Variants in STIM1 observed in about 807,000 individuals in gnomAD.
STIM1 encodes the protein stromal interaction molecule 1.
A neutral mutation model predicts 74.7 loss-of-function variants in STIM1; 25 were observed. That is an observed-to-expected ratio of 0.33 (90% CI 0.24 to 0.47). The LOEUF is 0.47. Ranked by LOEUF, STIM1 falls within the 20% of genes least tolerant of loss-of-function variation. STIM1 has a pLI of 1.00. For synonymous variants in STIM1, 328 were observed against 348.8 expected, an observed-to-expected ratio of 0.94 and a Z score of 0.66; for missense variants, 728 against 920.8, an observed-to-expected ratio of 0.79 and a Z score of 2.71.
intron 5 of STIM1, among the ~76,000 whole-genome samples, chr11:4,063,309 C>G (rs576250020): frequency 6.6e-6 from 1 of 152,284 alleles, no homozygotes; most frequent in Non-Finnish European, 1.5e-5. Flanking sequence ...TATATACATG[C>G]ATACCTTGTT....
chr11:4,036,362 G>A (rs183167815), intron 3 of STIM1, among the ~76,000 whole-genome samples: 235 of 152,234 alleles, frequency 1.5e-3, no homozygotes, highest in African/African-American at 5.2e-3. Flanking sequence ...ATTCCTTTGG[G>A]TGTATACCCA....
At chr11:3,869,216 G>A (rs778411423) in intron 1 of STIM1, among the ~76,000 whole-genome samples, 2 of 152,156 alleles carry the variant, frequency 1.3e-5, no homozygotes, top group Non-Finnish European at 2.9e-5. Flanking sequence ...TGATCCGCCC[G>A]CCTCCACTTC....
At chr11:4,037,178 C>G (rs1294641005) in intron 3 of STIM1, among the ~76,000 whole-genome samples, 1 of 151,986 alleles carries the variant, frequency 6.6e-6, no homozygotes, top group African/African-American at 2.4e-5. Context: ...GCCTCAGCCT[C>G]CTGAGTAGCT....
chr11:4,074,234 G>T (rs901042341), intron 6 of STIM1, among the ~76,000 whole-genome samples: 8 of 152,194 alleles, frequency 5.3e-5, no homozygotes, highest in Non-Finnish European at 1.2e-4. Flanking sequence ...TTTAGTATGA[G>T]ATAGTTTCGA....
intron 3 of STIM1, among the ~76,000 whole-genome samples, chr11:4,025,285 C>T (rs1228019752): frequency 6.6e-6 from 1 of 152,106 alleles, no homozygotes; most frequent in South Asian, 2.1e-4. Flanking sequence ...AGCAGGAAGA[C>T]CTGGATTCTA....
At chr11:3,931,571 C>T (rs879322253) in intron 1 of STIM1, among the ~76,000 whole-genome samples, 2 of 152,174 alleles carry the variant, frequency 1.3e-5, no homozygotes, top group Non-Finnish European at 2.9e-5. Flanking sequence ...AGGACATGGA[C>T]CTCAGATGAA....
At chr11:3,906,952 C>G (rs528453419) in intron 1 of STIM1, among the ~76,000 whole-genome samples, 1 of 152,032 alleles carries the variant, frequency 6.6e-6, no homozygotes, top group Admixed American at 6.6e-5. Flanking sequence ...AACCTAAATC[C>G]AACTCTAAAA....
At chr11:4,024,538 G>A (rs1167306351) in intron 3 of STIM1, among the ~76,000 whole-genome samples, 1 of 152,120 alleles carries the variant, frequency 6.6e-6, no homozygotes, top group African/African-American at 2.4e-5. Context: ...CCTCCTTCTT[G>A]TCTTGATTTC....
intron 6 of STIM1, among the ~76,000 whole-genome samples, chr11:4,072,175 C>G (rs1055863018): frequency 6.6e-6 from 1 of 152,068 alleles, no homozygotes; most frequent in Non-Finnish European, 1.5e-5. Flanking sequence ...GCTAAATGAC[C>G]ACTGTGGCAC....
At chr11:4,031,137 T>C (rs1489869335) in intron 3 of STIM1, among the ~76,000 whole-genome samples, 1 of 152,214 alleles carries the variant, frequency 6.6e-6, no homozygotes, top group African/African-American at 2.4e-5. Flanking sequence ...TAAATGGAGT[T>C]ATATAATATG....
chr11:4,070,317 G>C, intron 6 of STIM1, 114 bp downstream of exon 6: 1 of 1,220,956 alleles, frequency 8.2e-7, no homozygotes, highest in African/African-American at 1.5e-5. Context: ...GGCAGCCCAG[G>C]CTGCATCATC....
At chr11:3,968,374 G>A (rs1319715807) in intron 2 of STIM1, among the ~76,000 whole-genome samples, 2 of 152,186 alleles carry the variant, frequency 1.3e-5, no homozygotes, top group African/African-American at 4.8e-5. Context: ...AAGCTACCAA[G>A]TTATGCCAAA....
At chr11:3,914,824 C>A (rs192389650) in intron 1 of STIM1, among the ~76,000 whole-genome samples, 190 of 152,266 alleles carry the variant, frequency 1.2e-3, no homozygotes, top group Non-Finnish European at 2.0e-3. Context: ...GAGGAACCAC[C>A]AAACTGTTTT....
At chr11:4,066,372 A>G (rs2094365532) in intron 5 of STIM1, among the ~76,000 whole-genome samples, 1 of 152,114 alleles carries the variant, frequency 6.6e-6, no homozygotes, top group African/African-American at 2.4e-5. Context: ...TGCACTTTGT[A>G]TTGTAGCTCC....
At chr11:3,943,346 T>G (rs779442621) in intron 1 of STIM1, among the ~76,000 whole-genome samples, 1 of 151,984 alleles carries the variant, frequency 6.6e-6, no homozygotes, top group Non-Finnish European at 1.5e-5. Context: ...ATTTAAGGAG[T>G]GCTTTTCTGC....
chr11:3,983,687 C>T (rs2093529151), intron 2 of STIM1, among the ~76,000 whole-genome samples: 1 of 152,110 alleles, frequency 6.6e-6, no homozygotes, highest in South Asian at 2.1e-4. Flanking sequence ...TCTCTGATTC[C>T]CATGGCTGCT....
intron 1 of STIM1, among the ~76,000 whole-genome samples, chr11:3,951,236 C>A (rs2093144011): frequency 6.6e-6 from 1 of 152,208 alleles, no homozygotes. Flanking sequence ...AAGGGCTGCT[C>A]TTCAGCTGCA....
intron 2 of STIM1, among the ~76,000 whole-genome samples, chr11:4,007,802 A>G (rs1367570451): frequency 6.6e-6 from 1 of 152,222 alleles, no homozygotes; most frequent in Admixed American, 6.5e-5. Flanking sequence ...TGTGGGCTGT[A>G]TAAATGCATG....
At chr11:3,973,403 C>T in intron 2 of STIM1, 1 of 378,788 alleles carries the variant, frequency 2.6e-6, no homozygotes, top group Admixed American at 2.9e-5. Context: ...TATGGTATTT[C>T]TTTTTTTTTC....
Sources: allele counts gnomAD v4.1 joint callset (sites outside exome capture counted in the v4.1 genomes callset), GRCh38; gene constraint gnomAD v4.1.1; transcripts MANE v1.5; gene names NCBI Gene and HGNC (gene_info 2026-07-23, HGNC 2026-07-21).